BBX: variants seen among roughly 807,000 people sequenced by gnomAD.
The protein encoded by BBX is HMG box transcription factor BBX.
Under a neutral mutation model 100.2 loss-of-function variants are expected in BBX, and 30 were observed. The ratio of observed to expected loss-of-function variants is 0.30; its 90% CI spans 0.22 to 0.41. BBX has a LOEUF of 0.41. BBX is among the 10% of genes least tolerant of loss of function. The probability of loss-of-function intolerance (pLI) is 1.00; values close to 1 mark genes in which losing one functional copy is unlikely to be tolerated. For synonymous variants in BBX, 376 were observed against 388.1 expected (o/e 0.97, Z 0.37); for missense variants, 1,023 against 1,129.8 (o/e 0.91, Z 1.35).
rs752157011 is a variant in BBX, at chr3:107,791,189, C to T, written c.2294-51C>T. 18 of 1,487,176 alleles carry T rather than the reference C, an allele frequency of 1.2e-5. No individual in the cohort carries two copies. The Admixed American group carries it at 1.5e-4, about 13-fold the overall frequency. 92.1% of individuals were successfully genotyped at this position (1,487,176 alleles called of 1,614,324 possible). ...ATCTTGTTTTTGTAGTATGGGGAAT[C>T]TACTAAGAGTAGAGTTTCACTTTTC... is the stretch of plus-strand genomic sequence containing the variant. On this transcript the variant is annotated intron_variant, in intron 14 of 17. Coordinates refer to ENST00000325805, the MANE Select transcript of BBX (RefSeq NM_001142568.3).
At chr3:107,758,796 A>G (rs899711757) in intron 10 of BBX, among the ~76,000 whole-genome samples, 1 of 152,118 alleles carries the variant, frequency 6.6e-6, no homozygotes. Flanking sequence ...AAAGAAAAAC[A>G]TAACCTTGGG....
intron 6 of BBX, among the ~76,000 whole-genome samples, chr3:107,730,990 T>C (rs1260512254): frequency 6.6e-6 from 1 of 152,210 alleles, no homozygotes; most frequent in Non-Finnish European, 1.5e-5. Context: ...CAGTAGTCCT[T>C]GTCACATGAC....
intron 15 of BBX, among the ~76,000 whole-genome samples, chr3:107,793,053 G>T (rs529738602): frequency 2.6e-5 from 4 of 152,180 alleles, no homozygotes; most frequent in Admixed American, 2.6e-4. Context: ...CTCCACATTG[G>T]TATTAAGTAC....
At chr3:107,664,273 A>G (rs1236239309) in intron 3 of BBX, among the ~76,000 whole-genome samples, 2 of 152,312 alleles carry the variant, frequency 1.3e-5, no homozygotes, top group African/African-American at 4.8e-5. Flanking sequence ...CTGAAATTCC[A>G]CAAGATAATG....
chr3:107,596,951 GA>G (rs1404627340), intron 2 of BBX, among the ~76,000 whole-genome samples: 1 of 152,088 alleles, frequency 6.6e-6, no homozygotes, highest in Admixed American at 6.6e-5. Flanking sequence ...TAGAATAGAC[GA>G]AAAGTAAACC....
intron 2 of BBX, among the ~76,000 whole-genome samples, chr3:107,595,613 A>T (rs2053620793): frequency 6.6e-6 from 1 of 152,222 alleles, no homozygotes; most frequent in African/African-American, 2.4e-5. Flanking sequence ...ATGATCAGAG[A>T]TTAAAATTGT....
chr3:107,791,988 C>T (rs1211833163), intron 15 of BBX, among the ~76,000 whole-genome samples: 1 of 151,954 alleles, frequency 6.6e-6, no homozygotes, highest in Non-Finnish European at 1.5e-5. Context: ...GCAACAACAA[C>T]AAAAAAGAAT....
In BBX at chr3:107,716,744, G is replaced by A; in HGVS notation, c.300G>A (p.Gln100=). ...AACGCCATCGCTCTCTTGTACGTCA[G>A]GAACACCCCAGGCTTGATAACCGAG... ...FCKRHRSLVR[Q]EHPRLDNRGA... The change falls in exon 5 of 18, where the codon CAG becomes CAA. Residue 100 remains glutamine, a synonymous_variant. Coordinates refer to ENST00000325805, the MANE Select transcript of BBX (RefSeq NM_001142568.3). The A allele has an allele frequency of 6.2e-7, 1 of 1,613,834 alleles. No individual in the cohort carries two copies. The highest frequency in any genetic ancestry group is 8.5e-7 in the Non-Finnish European group (1 of 1,179,796).
Position 107,584,050 on chromosome 3 carries a change from T to C in BBX, c.-84+57652T>C, listed in dbSNP as rs1380516716. Among the ~76,000 whole-genome samples, 125 of 39,808 alleles carry C rather than the reference T, an allele frequency of 3.1e-3. 6 individuals are homozygous for C. The highest frequency in any genetic ancestry group is 0.016 in the African/African-American group (120 of 7,328). 26.1% of individuals were successfully genotyped at this position (39,808 alleles called of 152,430 possible). ...ATATATATTAATTATATATATTATATATATTATATATATCATATATTATAT... is the reference window on the plus strand; with the variant it reads ...ATATATATTAATTATATATATTATACATATTATATATATCATATATTATAT... On this transcript the variant is annotated intron_variant, in intron 2 of 17. Coordinates refer to ENST00000325805, the MANE Select transcript of BBX (RefSeq NM_001142568.3).
At chr3:107,660,505 T>TAAAAAAAA (rs34604623) in intron 3 of BBX, among the ~76,000 whole-genome samples, 1 of 101,290 alleles carries the variant, frequency 9.9e-6, no homozygotes, top group Non-Finnish European at 2.0e-5. Context: ...CAAAAAGCAT[T>TAAAAAAAA]AAAAAAAAAA....
intron 2 of BBX, among the ~76,000 whole-genome samples, chr3:107,624,339 TTG>T (rs897284634): frequency 1.3e-5 from 2 of 152,230 alleles, no homozygotes; most frequent in African/African-American, 2.4e-5. Context: ...CTTGTTTTTT[TTG>T]TGTGTGTGTT....
intron 10 of BBX, among the ~76,000 whole-genome samples, chr3:107,758,541 G>A (rs1412590260): frequency 1.3e-5 from 2 of 152,128 alleles, no homozygotes; most frequent in Non-Finnish European, 1.5e-5. Flanking sequence ...CCTCTGAGGT[G>A]TGCCTGCAAG....
In BBX at chr3:107,560,312, C is replaced by CA. The variant is rs1024211347; in HGVS notation, c.-84+33923dup. ...CCTTTTATCCCGTCTTGTTTTTTTC[C>CA]AAAAAAAAAGTAATTAAATGATTTC... On this transcript the variant is annotated intron_variant, in intron 2 of 17. Coordinates refer to ENST00000325805, the MANE Select transcript of BBX (RefSeq NM_001142568.3). 8.7e-5 allele frequency among the ~76,000 whole-genome samples: 13 copies of CA among 149,094 alleles called. 1 individual carries two copies. The South Asian group carries it at 1.1e-3, about 12-fold the overall frequency.
Position 107,778,408 on chromosome 3 carries a change from A to G in BBX, c.2092A>G (p.Asn698Asp). The G allele has an allele frequency of 6.2e-7, 1 of 1,613,448 alleles. No homozygotes were observed. The highest frequency in any genetic ancestry group is 8.5e-7 in the Non-Finnish European group (1 of 1,179,544). The change falls in exon 13 of 18, where the codon AAC (asparagine) becomes GAC (aspartate). Residue 698 changes from asparagine to aspartate, a missense_variant. This residue lies in a region of BBX where 215 missense variants were observed against 211.3 expected (regional missense o/e 1.02). Coordinates refer to ENST00000325805, the MANE Select transcript of BBX (RefSeq NM_001142568.3). ...GGATGAAGAATTTGAAAAAAAATTC[A>G]ACAGCCTCCCTCAATATAGTCCTGT... The part of the protein sequence containing the change: ...KLDEEFEKKF[N>D]SLPQYSPVTF...
intron 3 of BBX, among the ~76,000 whole-genome samples, chr3:107,658,403 T>C (rs2058262709): frequency 6.6e-6 from 1 of 152,204 alleles, no homozygotes; most frequent in African/African-American, 2.4e-5. Context: ...GCCTTACTCA[T>C]AAGTCTTATA....
chr3:107,562,236 C>T lies in BBX; in HGVS notation c.-84+35838C>T, dbSNP rs1576313308. Among the ~76,000 whole-genome samples, 5 of 152,190 alleles carry T rather than the reference C, an allele frequency of 3.3e-5. No individual in the cohort carries two copies. The South Asian group carries it at 1.0e-3, about 32-fold the overall frequency. On this transcript the variant is annotated intron_variant, in intron 2 of 17. Transcript: ENST00000325805. ...CATGGGATCCCTTATGAGCGTGAAC[C>T]CATAAAACACTTGTTGATTTGGTTC...
At chr3:107,616,749 C>T (rs766688448) in intron 2 of BBX, among the ~76,000 whole-genome samples, 1 of 152,022 alleles carries the variant, frequency 6.6e-6, no homozygotes, top group East Asian at 1.9e-4. Context: ...TGGAGTTTTT[C>T]TTACTGTTGA....
At position 107,773,349 on chromosome 3, in the gene BBX, C is replaced by A; in HGVS notation, c.1628C>A (p.Ser543Tyr). Residue 543 changes from serine to tyrosine, a missense_variant, in exon 11 of 18, where the codon TCC becomes TAC. Physicochemically the swap from Ser to Tyr is moderately radical, Grantham distance 144 (BLOSUM62 -2). Transcript: ENST00000325805. The surrounding 1 kb of genome is among the most constrained non-coding windows in gnomAD (Gnocchi z 4.1). ...SREKKMSKEK[S>Y]SDTTKESRPP... ...GAGAAGAAAATGTCAAAGGAGAAATCCTCAGACACCACCAAAGAGTCAAGA... is the reference window on the plus strand; with the variant it reads ...GAGAAGAAAATGTCAAAGGAGAAATACTCAGACACCACCAAAGAGTCAAGA... The A allele has an allele frequency of 6.2e-7, 1 of 1,614,054 alleles. No individual in the cohort carries two copies. Among genetic ancestry groups the A allele is most frequent in the Non-Finnish European group, 8.5e-7 (1 of 1,179,982 alleles).
intron 2 of BBX, among the ~76,000 whole-genome samples, chr3:107,593,710 C>G (rs575738057): frequency 1.3e-5 from 2 of 152,144 alleles, no homozygotes; most frequent in African/African-American, 4.8e-5. Context: ...CTAATTCCGC[C>G]CAAGGGAAAT....
Sources: gnomAD v4.1 joint callset for allele counts (sites outside exome capture counted in the v4.1 genomes callset) on GRCh38, gnomAD v4.1.1 for gene constraint, gnomAD v4.1.1 regional missense constraint, Gnocchi (gnomAD v3.1) non-coding constraint, MANE v1.5 for transcripts, NCBI Gene and HGNC (gene_info 2026-07-23, HGNC 2026-07-21) for gene names.